PDS5B: variants seen among roughly 807,000 people sequenced by gnomAD.
PDS5B encodes the protein PDS5 cohesin associated factor B.
In PDS5B, 51 loss-of-function variants were observed where a neutral mutation model predicts 184.1. That is an observed-to-expected ratio of 0.28 (90% CI 0.22 to 0.35). The LOEUF (loss-of-function observed/expected upper bound fraction) is 0.35. Among genes scored for constraint, PDS5B ranks in the 10% least tolerant of loss-of-function variants. The pLI, the probability that PDS5B is intolerant of heterozygous loss-of-function variation, is 1.00. For missense variants in PDS5B, 1,180 were observed against 1,723.3 expected, an observed-to-expected ratio of 0.68 and a Z score of 5.58; for synonymous variants, 566 against 569.2, an observed-to-expected ratio of 0.99 and a Z score of 0.08.
intron 1 of PDS5B, among the ~76,000 whole-genome samples, chr13:32,620,303 C>G (rs760248098): frequency 6.6e-6 from 1 of 152,020 alleles, no homozygotes; most frequent in Non-Finnish European, 1.5e-5. Flanking sequence ...CTTTCCAATC[C>G]TTATGTTGTT....
At chr13:32,739,866 T>G (rs1953477343) in intron 21 of PDS5B, among the ~76,000 whole-genome samples, 1 of 152,154 alleles carries the variant, frequency 6.6e-6, no homozygotes, top group East Asian at 1.9e-4. Context: ...CCCATAATTT[T>G]CAGATTTCTT....
At chr13:32,641,056 C>CAA (rs71194532) in intron 1 of PDS5B, among the ~76,000 whole-genome samples, 3,668 of 94,954 alleles carry the variant, frequency 0.039, 196 homozygotes, top group African/African-American at 0.12. Flanking sequence ...GACTCCGTCT[C>CAA]AAAAAAAAAA....
At chr13:32,701,553 C>T in intron 17 of PDS5B, 115 bp downstream of exon 17, 1 of 620,414 alleles carries the variant, frequency 1.6e-6, no homozygotes, top group Non-Finnish European at 2.9e-6. Context: ...GTATTGTGTA[C>T]TCCTCTGTAT....
At chr13:32,678,454 G>A (rs1951131588) in intron 9 of PDS5B, among the ~76,000 whole-genome samples, 2 of 152,140 alleles carry the variant, frequency 1.3e-5, no homozygotes, top group Admixed American at 1.3e-4. Context: ...TTTAGGGAAA[G>A]TTTTCTTTCA....
intron 1 of PDS5B, among the ~76,000 whole-genome samples, chr13:32,607,264 A>G (rs551142751): frequency 9.2e-5 from 14 of 152,246 alleles, no homozygotes; most frequent in South Asian, 2.1e-4. Context: ...TCTGTTTGTT[A>G]GTTTTCCTTC....
intron 31 of PDS5B, among the ~76,000 whole-genome samples, chr13:32,765,224 C>T (rs1029314408): frequency 2.6e-4 from 39 of 152,306 alleles, no homozygotes; most frequent in Middle Eastern, 3.4e-3. Flanking sequence ...CTTTACAGTT[C>T]AGCTTCAGAT....
chr13:32,706,904 GA>G (rs749158182), intron 17 of PDS5B, 29 bp from the exon 18 acceptor site: 2 of 1,419,186 alleles, frequency 1.4e-6, no homozygotes, highest in South Asian at 1.2e-5. Context: ...AGTAACATTT[GA>G]AAAAATGACT....
At chr13:32,717,903 A>T (rs1045867104) in intron 19 of PDS5B, among the ~76,000 whole-genome samples, 2 of 67,332 alleles carry the variant, frequency 3.0e-5, no homozygotes, top group African/African-American at 5.5e-5. Flanking sequence ...CTCCCCACCC[A>T]CCCCCCCAAA....
At chr13:32,616,369 A>G (rs561618070) in intron 1 of PDS5B, among the ~76,000 whole-genome samples, 66 of 152,136 alleles carry the variant, frequency 4.3e-4, no homozygotes, top group Non-Finnish European at 8.5e-4. Context: ...CCGTCTCTTT[A>G]AAATTTTTTT....
chr13:32,673,208 C>T lies in PDS5B; in HGVS notation c.706-8C>T. The T allele has an allele frequency of 6.2e-7, 1 of 1,609,234 alleles. No individual in the cohort carries two copies. The highest frequency in any genetic ancestry group is 8.5e-7 in the Non-Finnish European group (1 of 1,178,566). On this transcript the variant is annotated splice_polypyrimidine_tract_variant and splice_region_variant and intron_variant, in intron 7 of 34. Transcript: ENST00000315596. ...CTACTAATGATAGGCTTTCTTTCTC[C>T]TCAAAAGTTTTTTAATCAGGTTCTG...
intron 25 of PDS5B, among the ~76,000 whole-genome samples, chr13:32,755,477 C>A (rs1398281427): frequency 6.6e-6 from 1 of 151,982 alleles, no homozygotes; most frequent in Non-Finnish European, 1.5e-5. Context: ...AGGGTCATTT[C>A]TAATAGGAAA....
intron 1 of PDS5B, among the ~76,000 whole-genome samples, chr13:32,594,926 C>T (rs1235332756): frequency 6.6e-6 from 1 of 152,118 alleles, no homozygotes; most frequent in East Asian, 1.9e-4. Flanking sequence ...GGTTTCATCC[C>T]TGTTAATTGG....
intron 6 of PDS5B, 146 bp downstream of exon 6, chr13:32,659,426 A>G (rs1455471114): frequency 2.1e-6 from 1 of 468,014 alleles, no homozygotes; most frequent in Non-Finnish European, 3.6e-6. Flanking sequence ...ATTTATTGTG[A>G]TTAATGTGTA....
chr13:32,717,038 C>T (rs1391686169), intron 19 of PDS5B, among the ~76,000 whole-genome samples: 3 of 138,598 alleles, frequency 2.2e-5, no homozygotes, highest in African/African-American at 5.8e-5. Flanking sequence ...GCCCCCCGCC[C>T]GGCCAGCCGC....
At position 32,643,270 on chromosome 13, in the gene PDS5B, A is replaced by G. The variant is rs2140632338; in HGVS notation, c.-19-5484A>G. Among the ~76,000 whole-genome samples the G allele has an allele frequency of 1.3e-5, 2 of 152,242 alleles. 1 individual carries two copies. The highest frequency in any genetic ancestry group is 4.1e-4 in the South Asian group (2 of 4,828). On this transcript the variant is annotated intron_variant, in intron 1 of 34. Coordinates refer to ENST00000315596, the MANE Select transcript of PDS5B (RefSeq NM_015032.4). ...GTATCTTCTTTGGTTGAAGGAATGT[A>G]ACTATGAACTTGGTTCTTGCTAGTG...
intron 30 of PDS5B, among the ~76,000 whole-genome samples, chr13:32,762,015 G>A (rs1172698514): frequency 1.3e-5 from 2 of 152,094 alleles, no homozygotes; most frequent in East Asian, 1.9e-4. Context: ...GATGTGAGAC[G>A]GTATCTCGTT....
chr13:32,714,047 A>C (rs1952290853), intron 19 of PDS5B, among the ~76,000 whole-genome samples: 2 of 152,222 alleles, frequency 1.3e-5, no homozygotes, highest in Admixed American at 1.3e-4. Context: ...GTGATGCCCC[A>C]CAAGCCACAA....
In PDS5B at chr13:32,707,039, GGTAA is replaced by G. The variant is rs1156926963; in HGVS notation, c.1962+4_1962+7del. 1 of 1,533,732 alleles carries G rather than the reference GGTAA, an allele frequency of 6.5e-7. No individual in the cohort carries two copies. The highest frequency in any genetic ancestry group is 8.9e-7 in the Non-Finnish European group (1 of 1,124,248). On this transcript the variant is annotated splice_donor_variant and splice_donor_region_variant and intron_variant, in intron 18 of 34. Transcript: ENST00000315596. LOFTEE classifies it high-confidence loss of function. ...TCAGAGCAGGTCTTGAACTGCTTAA[GGTAA>G]GTATCTATTTAAAATTAAGTGCCTA...
In PDS5B at chr13:32,700,244, G is replaced by A. The variant is rs537612174; in HGVS notation, c.1740+375G>A. On this transcript the variant is annotated intron_variant, in intron 16 of 34. Coordinates refer to ENST00000315596, the MANE Select transcript of PDS5B (RefSeq NM_015032.4). ...AGAATATAATTAATATTTTTACACA[G>A]TCTTGATTCTTTCTTTAGGATAAAT... 1.2e-4 allele frequency among the ~76,000 whole-genome samples: 19 copies of A among 152,092 alleles called. No homozygotes were observed. In the South Asian group the frequency reaches 3.9e-3, roughly 32 times the overall value.
Sources: allele counts gnomAD v4.1 joint callset (sites outside exome capture counted in the v4.1 genomes callset), GRCh38; gene constraint gnomAD v4.1.1; transcripts MANE v1.5; gene names NCBI Gene and HGNC (gene_info 2026-07-23, HGNC 2026-07-21).